Variants in RANBP2 observed in about 807,000 individuals in gnomAD.
RANBP2 encodes the protein RAN binding protein 2, also known as E3 SUMO-protein ligase RanBP2.
Under a neutral mutation model 303.6 loss-of-function variants are expected in RANBP2, and 57 were observed. The observed-to-expected ratio is 0.19, with a 90% confidence interval of 0.15 to 0.23. RANBP2 has a LOEUF of 0.23. Ranked by LOEUF, RANBP2 falls within the 10% of genes least tolerant of loss-of-function variation. RANBP2 has a pLI of 1.00. For missense variants in RANBP2, 3,138 were observed against 3,780.8 expected, an observed-to-expected ratio of 0.83 and a Z score of 4.46; for synonymous variants, 1,167 against 1,301.5, an observed-to-expected ratio of 0.90 and a Z score of 2.23.
the RANBP2 span, among the ~76,000 whole-genome samples, chr2:109,133,143 A>G: frequency 2.0e-5 from 3 of 152,244 alleles, no homozygotes; most frequent in Admixed American, 2.0e-4. Context: ...ACCCGTGGGC[A>G]CTGACCGGTG....
At chr2:108,934,080 T>G in the RANBP2 span, among the ~76,000 whole-genome samples, 21 of 152,302 alleles carry the variant, frequency 1.4e-4, no homozygotes, top group African/African-American at 5.1e-4. Flanking sequence ...TGCCGCACCT[T>G]AGTGTCAACC....
the RANBP2 span, among the ~76,000 whole-genome samples, chr2:109,401,699 C>T: frequency 6.6e-6 from 1 of 152,138 alleles, no homozygotes; most frequent in Admixed American, 6.5e-5. Flanking sequence ...GATGTGGGCT[C>T]AGCACACACA....
the RANBP2 span, among the ~76,000 whole-genome samples, chr2:109,109,649 T>C: frequency 6.6e-6 from 1 of 152,234 alleles, no homozygotes; most frequent in East Asian, 1.9e-4. Flanking sequence ...ATATGAATAC[T>C]TATTATCCCA....
At chr2:108,916,935 A>AT in the RANBP2 span, among the ~76,000 whole-genome samples, 4 of 152,148 alleles carry the variant, frequency 2.6e-5, no homozygotes, top group Non-Finnish European at 5.9e-5. Context: ...GCAGGAGGAC[A>AT]TGGGGATTCA....
the RANBP2 span, chr2:108,906,386 GAA>G: frequency 6.2e-7 from 1 of 1,614,028 alleles, no homozygotes; most frequent in Non-Finnish European, 8.5e-7. Flanking sequence ...AAAGAGTCGA[GAA>G]TTTTCATCTC....
chr2:108,930,322 T>G, the RANBP2 span: 3 of 1,591,464 alleles, frequency 1.9e-6, no homozygotes, highest in Non-Finnish European at 1.7e-6. Context: ...AAGGTTGACA[T>G]AGGAAGGGGG....
At chr2:109,370,634 C>T in the RANBP2 span, among the ~76,000 whole-genome samples, 1 of 152,136 alleles carries the variant, frequency 6.6e-6, no homozygotes, top group Non-Finnish European at 1.5e-5. Context: ...TCTCCTCCGT[C>T]CTTTTCCTCT....
At chr2:109,490,373 G>A in the RANBP2 span, among the ~76,000 whole-genome samples, 21 of 152,318 alleles carry the variant, frequency 1.4e-4, no homozygotes, top group African/African-American at 2.4e-4. Context: ...GCCTGCAAGC[G>A]TCACCTGGCC....
At chr2:108,873,587 CAAGT>C in the RANBP2 span, 124 of 1,574,318 alleles carry the variant, frequency 7.9e-5, no homozygotes, top group Non-Finnish European at 1.1e-4. Flanking sequence ...TTTCCAAAAT[CAAGT>C]AAGAATTTCT....
the RANBP2 span, among the ~76,000 whole-genome samples, chr2:109,001,283 G>C: frequency 1.3e-5 from 2 of 152,212 alleles, no homozygotes; most frequent in African/African-American, 4.8e-5. Flanking sequence ...ACCCTCAGCT[G>C]AGAAAGCTCC....
At chr2:108,972,629 C>T in the RANBP2 span, among the ~76,000 whole-genome samples, 26,138 of 152,232 alleles carry the variant, frequency 0.17, 2,545 homozygotes, top group Middle Eastern at 0.24. Context: ...ACAAGGGTGA[C>T]GGGTGTCTTC....
At chr2:109,626,205 C>T in the RANBP2 span, among the ~76,000 whole-genome samples, 7 of 150,312 alleles carry the variant, frequency 4.7e-5, no homozygotes, top group Non-Finnish European at 8.9e-5. Context: ...AAGGGCCAGG[C>T]GCAGTGGCTC....
chr2:108,817,482 G>A, the RANBP2 span, among the ~76,000 whole-genome samples: 25 of 152,098 alleles, frequency 1.6e-4, no homozygotes, highest in African/African-American at 5.5e-4. Context: ...TAGTAGAGAC[G>A]GGGTTGCACT....
the RANBP2 span, among the ~76,000 whole-genome samples, chr2:109,396,951 C>G: frequency 9.9e-5 from 15 of 152,248 alleles, no homozygotes; most frequent in Non-Finnish European, 1.3e-4. Flanking sequence ...CCTGTACGTC[C>G]TTCCTGACCA....
chr2:108,961,761 C>G, the RANBP2 span, among the ~76,000 whole-genome samples: 4 of 152,134 alleles, frequency 2.6e-5, no homozygotes, highest in African/African-American at 9.7e-5. Context: ...GAGAAGTGAT[C>G]AGCCCATGTG....
chr2:109,123,979 GTTTTATTTATTT>G, the RANBP2 span, among the ~76,000 whole-genome samples: 9 of 136,930 alleles, frequency 6.6e-5, no homozygotes, highest in African/African-American at 2.6e-4. Flanking sequence ...TTTCTTTTCA[GTTTTATTTATTT>G]ATTTATTTAT....
intron 25 of RANBP2, among the ~76,000 whole-genome samples, chr2:108,778,358 T>C (rs1194233819): frequency 6.6e-6 from 1 of 152,242 alleles, no homozygotes; most frequent in Non-Finnish European, 1.5e-5. Flanking sequence ...TAGATTGTGC[T>C]TGTTAAAAAT....
At chr2:109,208,107 A>T in the RANBP2 span, among the ~76,000 whole-genome samples, 7 of 152,268 alleles carry the variant, frequency 4.6e-5, no homozygotes, top group Admixed American at 4.6e-4. Context: ...GCCCTCAGAC[A>T]CACATGCTGC....
chr2:108,849,568 C>T, the RANBP2 span, among the ~76,000 whole-genome samples: 1 of 152,140 alleles, frequency 6.6e-6, no homozygotes, highest in Non-Finnish European at 1.5e-5. Flanking sequence ...ACTCTCTAGT[C>T]TCCCTTCACA....
Sources: allele counts gnomAD v4.1 joint callset (sites outside exome capture counted in the v4.1 genomes callset), GRCh38; gene constraint gnomAD v4.1.1; transcripts MANE v1.5; gene names NCBI Gene and HGNC (gene_info 2026-07-23, HGNC 2026-07-21).